RERG: variants seen among roughly 807,000 people sequenced by gnomAD.
RERG encodes ras-related and estrogen-regulated growth inhibitor.
In RERG, 25 loss-of-function variants were observed where a neutral mutation model predicts 23.2. The ratio of observed to expected loss-of-function variants is 1.08; its 90% confidence interval spans 0.79 to 1.50. The LOEUF is 1.50. Ranked by LOEUF, RERG falls within the 40% of genes most tolerant of loss-of-function variation. RERG has a pLI of 0.00. For synonymous variants in RERG, 81 were observed against 89.1 expected, an observed-to-expected ratio of 0.91 and a Z score of 0.51; for missense variants, 253 against 250.1, an observed-to-expected ratio of 1.01 and a Z score of -0.08.
At chr12:15,119,624 A>G (rs1033540193) in intron 3 of RERG, among the ~76,000 whole-genome samples, 3 of 152,196 alleles carry the variant, frequency 2.0e-5, no homozygotes, top group Non-Finnish European at 4.4e-5. Flanking sequence ...AGATCCAAAT[A>G]TATCATCTTA....
At chr12:15,129,443 AATCT>A (rs971504887) in intron 2 of RERG, among the ~76,000 whole-genome samples, 2 of 152,182 alleles carry the variant, frequency 1.3e-5, no homozygotes, top group African/African-American at 2.4e-5. Context: ...TCTCCTATCA[AATCT>A]ATCTCTCTTT....
intron 2 of RERG, among the ~76,000 whole-genome samples, chr12:15,138,471 A>C (rs900432198): frequency 1.3e-5 from 2 of 151,990 alleles, no homozygotes; most frequent in East Asian, 3.8e-4. Flanking sequence ...ACTCATTAGC[A>C]AAGAGACTGA....
intron 2 of RERG, among the ~76,000 whole-genome samples, chr12:15,212,083 C>T (rs1317882070): frequency 6.8e-5 from 6 of 87,894 alleles, no homozygotes; most frequent in South Asian, 4.0e-4. Flanking sequence ...GACGGAGTCT[C>T]GCTCTGTCGC....
chr12:15,122,981 T>A (rs1863863632), intron 2 of RERG, among the ~76,000 whole-genome samples: 1 of 151,998 alleles, frequency 6.6e-6, no homozygotes, highest in Non-Finnish European at 1.5e-5. Context: ...GTATTTTTAG[T>A]AGAGACGGGA....
chr12:15,182,193 G>T (rs1351945831), intron 2 of RERG, among the ~76,000 whole-genome samples: 1 of 151,744 alleles, frequency 6.6e-6, no homozygotes, highest in Non-Finnish European at 1.5e-5. Flanking sequence ...TCAGTAGCTG[G>T]GATTACAGGC....
chr12:15,217,309 G>C lies in RERG; in HGVS notation c.61+120C>G, dbSNP rs1348055834. The C allele has an allele frequency of 4.2e-6, 3 of 709,904 alleles. No homozygotes were observed. The East Asian group carries it at 7.5e-5, about 18-fold the overall frequency. The allele number at this position is 709,904 out of a possible 1,614,324, so 44.0% of individuals were successfully genotyped here. On this transcript the variant is annotated intron_variant, in intron 2 of 4. Coordinates refer to ENST00000256953, the MANE Select transcript of RERG (RefSeq NM_032918.3). Reference sequence around the variant, plus strand: ...CTAGATGAAGAGACTTTATCTAAAAGAGTAAGAAATGAAAATAGGAGGAAT... The same window carrying C: ...CTAGATGAAGAGACTTTATCTAAAACAGTAAGAAATGAAAATAGGAGGAAT...
intron 2 of RERG, among the ~76,000 whole-genome samples, chr12:15,175,321 T>C (rs977999352): frequency 1.4e-5 from 2 of 144,968 alleles, no homozygotes; most frequent in Non-Finnish European, 3.0e-5. Flanking sequence ...TTTCAACCTT[T>C]ACTCTCAGGC....
chr12:15,115,263 A>G (rs1404619813), intron 3 of RERG, among the ~76,000 whole-genome samples: 1 of 152,200 alleles, frequency 6.6e-6, no homozygotes, highest in East Asian at 1.9e-4. Flanking sequence ...TATCCAATGA[A>G]GTATATATTG....
rs1384123449 is a variant in RERG at position 15,108,975 on chromosome 12, A to T, written c.*135T>A. 2 of 910,328 alleles carry T rather than the reference A, an allele frequency of 2.2e-6. No individual in the cohort carries two copies. The highest frequency in any genetic ancestry group is 3.3e-5 in the African/African-American group (2 of 60,134). The allele number at this position is 910,328 out of a possible 1,614,324, so 56.4% of individuals were successfully genotyped here. A position where few individuals can be genotyped will look rare whatever the true frequency, so the allele number is the denominator to read the frequency against. On this transcript the variant is annotated 3_prime_UTR_variant, in exon 5 of 5. Coordinates refer to ENST00000256953, the MANE Select transcript of RERG (RefSeq NM_032918.3). ...ACACGCTAAAACTTCCCAACCTATTAGAGGCCAGAAACAATGGGAAGCCCA... is the reference window on the plus strand; with the variant it reads ...ACACGCTAAAACTTCCCAACCTATTTGAGGCCAGAAACAATGGGAAGCCCA...
intron 2 of RERG, among the ~76,000 whole-genome samples, chr12:15,172,799 A>C (rs1423507021): frequency 6.6e-6 from 1 of 151,998 alleles, no homozygotes; most frequent in Non-Finnish European, 1.5e-5. Flanking sequence ...TATCTATTCA[A>C]ATCCCTTGTC....
At chr12:15,110,376 T>C (rs1329994519) in intron 4 of RERG, among the ~76,000 whole-genome samples, 2 of 151,624 alleles carry the variant, frequency 1.3e-5, no homozygotes, top group Non-Finnish European at 2.9e-5. Flanking sequence ...TTAAACACTT[T>C]GATTCAAGTC....
chr12:15,206,593 G>A (rs1426370711), intron 2 of RERG, among the ~76,000 whole-genome samples: 1 of 152,100 alleles, frequency 6.6e-6, no homozygotes, highest in Non-Finnish European at 1.5e-5. Flanking sequence ...CAGACCTACT[G>A]AGTCAGAACC....
intron 2 of RERG, among the ~76,000 whole-genome samples, chr12:15,214,099 T>C (rs888916680): frequency 6.6e-6 from 1 of 151,736 alleles, no homozygotes; most frequent in Non-Finnish European, 1.5e-5. Flanking sequence ...AAATACTCAC[T>C]TGAATGCAAG....
chr12:15,150,516 A>G (rs1403255644), intron 2 of RERG, among the ~76,000 whole-genome samples: 1 of 152,236 alleles, frequency 6.6e-6, no homozygotes, highest in Admixed American at 6.5e-5. Context: ...GGAACTTAGT[A>G]TCATGTCTAA....
intron 2 of RERG, among the ~76,000 whole-genome samples, chr12:15,215,847 C>T (rs541160308): frequency 1.3e-5 from 2 of 152,196 alleles, no homozygotes; most frequent in South Asian, 2.1e-4. Context: ...CAGCTTGCTC[C>T]GAGATCATGA....
intron 2 of RERG, among the ~76,000 whole-genome samples, chr12:15,133,391 G>A (rs1339902140): frequency 6.6e-6 from 1 of 151,820 alleles, no homozygotes; most frequent in Admixed American, 6.6e-5. Flanking sequence ...ATGCATTTAA[G>A]TTTCCTGCAC....
At chr12:15,169,151 A>T (rs754740535) in intron 2 of RERG, among the ~76,000 whole-genome samples, 18 of 152,228 alleles carry the variant, frequency 1.2e-4, no homozygotes, top group Non-Finnish European at 2.4e-4. Context: ...GAGGAGGTGA[A>T]GTTTAAATAG....
At chr12:15,126,714 C>G (rs1371417744) in intron 2 of RERG, among the ~76,000 whole-genome samples, 2 of 85,712 alleles carry the variant, frequency 2.3e-5, no homozygotes, top group Admixed American at 2.8e-4. Flanking sequence ...ATTTCTTTTT[C>G]TTTTTCTTTC....
intron 2 of RERG, among the ~76,000 whole-genome samples, chr12:15,165,277 A>G (rs917444701): frequency 2.4e-4 from 37 of 152,256 alleles, no homozygotes; most frequent in African/African-American, 8.4e-4. Flanking sequence ...AACTAAGGAA[A>G]CTAGATTGGA....
Sources: allele counts gnomAD v4.1 joint callset (sites outside exome capture counted in the v4.1 genomes callset), GRCh38; gene constraint gnomAD v4.1.1; transcripts MANE v1.5; gene names NCBI Gene and HGNC (gene_info 2026-07-23, HGNC 2026-07-21).